The following RPH3AL variants were observed in gnomAD, a reference collection of about 807,000 sequenced individuals.
The protein encoded by RPH3AL is rab effector Noc2.
A neutral mutation model predicts 43.1 loss-of-function variants in RPH3AL; 38 were observed. The observed-to-expected ratio is 0.88, with a 90% CI of 0.68 to 1.15. The LOEUF (loss-of-function observed/expected upper bound fraction) is 1.15. RPH3AL is among the 50% of genes most tolerant of loss of function. RPH3AL has a pLI of 0.00. For synonymous variants in RPH3AL, 189 were observed against 176.3 expected, an observed-to-expected ratio of 1.07 and a Z score of -0.57; for missense variants, 462 against 423.2, an observed-to-expected ratio of 1.09 and a Z score of -0.81.
chr17:243,597 C>CCCTTCCTCTATTGATTA (rs1555538212), intron 7 of RPH3AL, among the ~76,000 whole-genome samples: 17 of 123,526 alleles, frequency 1.4e-4, no homozygotes, highest in African/African-American at 5.5e-4. Context: ...CTATTGATTA[C>CCCTTCCTCTATTGATTA]CCTTCCTCTA....
chr17:246,393 T>C lies in RPH3AL; in HGVS notation c.613+718A>G, dbSNP rs1021173363. On this transcript the variant is annotated intron_variant, in intron 7 of 9. Coordinates refer to ENST00000331302, the MANE Select transcript of RPH3AL (RefSeq NM_006987.4). The surrounding 1 kb of genome is among the most constrained non-coding windows in gnomAD (Gnocchi z 4.8). ...GCCAGAGAGGGTAAGAGCCTGCCCT[T>C]GGATCCCAGCTCGGCCACACACCTG... Among the ~76,000 whole-genome samples the C allele has an allele frequency of 7.2e-5, 11 of 152,134 alleles. No individual in the cohort carries two copies. Among genetic ancestry groups the C allele is most frequent in the African/African-American group, 2.7e-4 (11 of 41,432 alleles).
intron 3 of RPH3AL, among the ~76,000 whole-genome samples, chr17:326,474 G>C (rs1410192040): frequency 3.3e-5 from 5 of 152,188 alleles, no homozygotes; most frequent in Admixed American, 3.3e-4. Context: ...GGGACAGCGA[G>C]GGACTGGAAG....
In RPH3AL at chr17:297,309, C is replaced by T. The variant is rs1038067115; in HGVS notation, c.352-15455G>A. Among the ~76,000 whole-genome samples, 21 of 152,208 alleles carry T rather than the reference C, an allele frequency of 1.4e-4. 1 individual carries two copies. Among genetic ancestry groups the T allele is most frequent in the Non-Finnish European group, 1.5e-5 (1 of 68,040 alleles). On this transcript the variant is annotated intron_variant, in intron 5 of 9. Transcript: ENST00000331302. ...TTCGTCATAAACCAGTCAACATAAGCAAAGTGTTTCTCTGCGAGTTCTGTG... is the reference window on the plus strand; with the variant it reads ...TTCGTCATAAACCAGTCAACATAAGTAAAGTGTTTCTCTGCGAGTTCTGTG...
At chr17:301,849 C>A (rs2043336817) in intron 5 of RPH3AL, among the ~76,000 whole-genome samples, 1 of 152,176 alleles carries the variant, frequency 6.6e-6, no homozygotes, top group Non-Finnish European at 1.5e-5. Flanking sequence ...GAGAGGGAGT[C>A]ATCCCTCTGA....
intron 7 of RPH3AL, among the ~76,000 whole-genome samples, chr17:231,156 C>A (rs1242502544): frequency 6.6e-6 from 1 of 152,232 alleles, no homozygotes; most frequent in East Asian, 1.9e-4. Context: ...ATCTCTGGGC[C>A]TCCATCTCTG....
At chr17:222,053 T>C (rs1293451939) in intron 7 of RPH3AL, among the ~76,000 whole-genome samples, 1 of 151,930 alleles carries the variant, frequency 6.6e-6, no homozygotes, top group Non-Finnish European at 1.5e-5. Flanking sequence ...CTCCACTCAC[T>C]GAGACAATAG....
intron 6 of RPH3AL, among the ~76,000 whole-genome samples, chr17:262,603 T>G (rs1387285204): frequency 3.3e-5 from 5 of 151,994 alleles, no homozygotes; most frequent in Admixed American, 3.3e-4. Flanking sequence ...GGTGGGAGGA[T>G]CGCTTGAGGC....
chr17:226,502 T>TA (rs977073621), intron 7 of RPH3AL, among the ~76,000 whole-genome samples: 1 of 152,278 alleles, frequency 6.6e-6, no homozygotes, highest in South Asian at 2.1e-4. Flanking sequence ...TCCACTCTAA[T>TA]AAACACCACT....
chr17:260,583 G>A (rs1555545934), intron 6 of RPH3AL, among the ~76,000 whole-genome samples: 1 of 152,146 alleles, frequency 6.6e-6, no homozygotes, highest in Non-Finnish European at 1.5e-5. Flanking sequence ...GGAGAACCAC[G>A]GGAAAAGACC....
chr17:243,291 TATTG>T (rs1267326824), intron 7 of RPH3AL, among the ~76,000 whole-genome samples: 2 of 145,926 alleles, frequency 1.4e-5, no homozygotes, highest in African/African-American at 2.6e-5. Context: ...TACCTTCCTC[TATTG>T]ATTACCTTTC....
In RPH3AL at chr17:246,111, T is replaced by C. The variant is rs1555539837; in HGVS notation, c.613+1000A>G. ...AACTTTCACATGTTCGTAATAAACATGCATTACTTTTGTAACAAGAAAAAA... is the reference window on the plus strand; with the variant it reads ...AACTTTCACATGTTCGTAATAAACACGCATTACTTTTGTAACAAGAAAAAA... On this transcript the variant is annotated intron_variant, in intron 7 of 9. Transcript: ENST00000331302. The surrounding 1 kb of genome is among the most constrained non-coding windows in gnomAD (Gnocchi z 4.8). Among the ~76,000 whole-genome samples, 1 of 152,166 alleles carries C rather than the reference T, an allele frequency of 6.6e-6. No homozygotes were observed. Among genetic ancestry groups the C allele is most frequent in the African/African-American group, 2.4e-5 (1 of 41,432 alleles).
intron 6 of RPH3AL, among the ~76,000 whole-genome samples, chr17:262,211 A>G (rs2042211526): frequency 6.6e-6 from 1 of 151,740 alleles, no homozygotes; most frequent in Admixed American, 6.6e-5. Context: ...TGAGCCTAAG[A>G]CGTTTCATGT....
At chr17:272,978 CAA>C (rs1567604402) in intron 6 of RPH3AL, among the ~76,000 whole-genome samples, 4 of 101,996 alleles carry the variant, frequency 3.9e-5, no homozygotes, top group Admixed American at 1.0e-4. Context: ...GAGACCCCAG[CAA>C]GGGCTACGTC....
intron 6 of RPH3AL, among the ~76,000 whole-genome samples, chr17:257,536 G>A (rs1227163377): frequency 4.6e-5 from 2 of 43,798 alleles, no homozygotes; most frequent in African/African-American, 1.3e-4. Context: ...GCCGCACGGC[G>A]TCTGTCCTTT....
At chr17:304,532 C>T (rs761922565) in intron 5 of RPH3AL, among the ~76,000 whole-genome samples, 2 of 152,124 alleles carry the variant, frequency 1.3e-5, no homozygotes, top group African/African-American at 2.4e-5. Flanking sequence ...CCCAGGCCAC[C>T]CCCACCAACA....
rs1349695360 is a variant in RPH3AL at position 333,979 on chromosome 17, T to C, written c.-212-45A>G. On this transcript the variant is annotated intron_variant, in intron 1 of 9. Transcript: ENST00000331302. The surrounding 1 kb of genome is among the most constrained non-coding windows in gnomAD (Gnocchi z 4.5). ...TAAATAAAATAAAATAAAGGGCCTC[T>C]TCTTTGCAAACAGTTGCATCTACTT... 2.0e-5 allele frequency: 3 copies of C among 152,454 alleles called. No homozygotes were observed. Among genetic ancestry groups the C allele is most frequent in the Admixed American group, 6.5e-5 (1 of 15,316 alleles). 9.4% of individuals were successfully genotyped at this position (152,454 alleles called of 1,614,324 possible). A position where few individuals can be genotyped will look rare whatever the true frequency, so the allele number is the denominator to read the frequency against.
intron 7 of RPH3AL, 150 bp from the exon 8 acceptor site, chr17:219,886 G>C (rs1217696329): frequency 1.5e-5 from 9 of 619,228 alleles, no homozygotes; most frequent in Non-Finnish European, 1.8e-5. Flanking sequence ...AGAAATAATG[G>C]CCTGGGGATG....
chr17:298,772 C>T (rs1052645976), intron 5 of RPH3AL, among the ~76,000 whole-genome samples: 1 of 151,966 alleles, frequency 6.6e-6, no homozygotes, highest in African/African-American at 2.4e-5. Context: ...CTGAAAAATA[C>T]AGCAGACTAG....
intron 5 of RPH3AL, among the ~76,000 whole-genome samples, chr17:312,358 G>A (rs1358004578): frequency 1.3e-5 from 2 of 152,128 alleles, no homozygotes; most frequent in Non-Finnish European, 2.9e-5. Context: ...TGCCACACGA[G>A]GACACACGGA....
Sources: allele counts gnomAD v4.1 joint callset (sites outside exome capture counted in the v4.1 genomes callset), GRCh38; gene constraint gnomAD v4.1.1; non-coding constraint Gnocchi (gnomAD v3.1); transcripts MANE v1.5; gene names NCBI Gene and HGNC (gene_info 2026-07-23, HGNC 2026-07-21).